Variants in NOMO2 observed in about 807,000 individuals in gnomAD.
The protein encoded by NOMO2 is BOS complex subunit NOMO2.
In NOMO2, 14 loss-of-function variants were observed where a neutral mutation model predicts 67.1. The observed-to-expected ratio is 0.21, with a 90% CI of 0.14 to 0.33. The LOEUF (loss-of-function observed/expected upper bound fraction) is 0.33. NOMO2 is among the 10% of genes least tolerant of loss of function. NOMO2 has a pLI of 1.00. For synonymous variants in NOMO2, 80 were observed against 305.9 expected (o/e 0.26, Z 7.71); for missense variants, 178 against 761.0 (o/e 0.23, Z 9.01).
At chr16:18,560,616 C>A (rs1472781819) in intron 1 of NOMO2, among the ~76,000 whole-genome samples, 3 of 151,800 alleles carry the variant, frequency 2.0e-5, no homozygotes, top group African/African-American at 7.3e-5. Context: ...ACCTCTTCAG[C>A]CTGAAAAAGC....
rs891648040 is a variant in NOMO2 at position 18,560,667 on chromosome 16, G to A, written c.165+1209C>T. Among the ~76,000 whole-genome samples, 79 of 151,776 alleles carry A rather than the reference G, an allele frequency of 5.2e-4. 2 individuals carry two copies. The highest frequency in any genetic ancestry group is 1.0e-3 in the Non-Finnish European group (70 of 67,986). ...CTTGAAGAAGATCACGGATCCGCTT[G>A]TTAAAGAAATGTATCTGCTGGGTTC... On this transcript the variant is annotated intron_variant, in intron 1 of 30. Transcript: ENST00000622306.
At chr16:18,560,504 G>C (rs1408399657) in intron 1 of NOMO2, among the ~76,000 whole-genome samples, 1 of 151,592 alleles carries the variant, frequency 6.6e-6, no homozygotes, top group South Asian at 2.1e-4. Context: ...CCTGTCCCCA[G>C]TGCAGACCTA....
intron 9 of NOMO2, among the ~76,000 whole-genome samples, chr16:18,539,523 G>A (rs1462711409): frequency 3.3e-5 from 5 of 151,928 alleles, no homozygotes; most frequent in South Asian, 2.1e-4. Context: ...TTGGGAGGCC[G>A]AGGCAGGCAG....
intron 15 of NOMO2, among the ~76,000 whole-genome samples, chr16:18,528,714 C>A (rs1273341971): frequency 4.0e-5 from 6 of 151,246 alleles, no homozygotes; most frequent in South Asian, 2.1e-4. Flanking sequence ...TAGCACTCTG[C>A]GAGGCCAACA....
chr16:18,526,304 G>A (rs1901145621), intron 16 of NOMO2, among the ~76,000 whole-genome samples: 3 of 152,076 alleles, frequency 2.0e-5, no homozygotes, highest in African/African-American at 4.8e-5. Context: ...CGGAACCCTC[G>A]TGCATTGCTG....
intron 1 of NOMO2, among the ~76,000 whole-genome samples, chr16:18,561,353 G>C (rs1354954872): frequency 1.3e-5 from 2 of 151,318 alleles, no homozygotes; most frequent in African/African-American, 4.9e-5. Flanking sequence ...TGATCTACTA[G>C]GTCAGAATCT....
intron 4 of NOMO2, among the ~76,000 whole-genome samples, chr16:18,551,127 T>C (rs954025913): frequency 5.3e-5 from 8 of 151,570 alleles, no homozygotes; most frequent in South Asian, 2.1e-4. Context: ...TGAGTCAAGA[T>C]TGCACCACTG....
chr16:18,531,577 C>T lies in NOMO2; in HGVS notation c.1426G>A (p.Gly476Arg), dbSNP rs1166541783. The change falls in exon 13 of 31, where the codon GGG (glycine) becomes AGG (arginine). Residue 476 changes from glycine (G) to arginine (R), a missense_variant. Coordinates refer to ENST00000622306, the MANE Select transcript of NOMO2 (RefSeq NM_173614.4). ...VMVPEAETRA[G>R]LTLKPQTFPL... ...AATGTCTGGGGTTTCAACGTCAGCC[C>T]TGCTCTGGTTTCTGCCTCAGGAACC... 1 of 1,612,132 alleles carries T rather than the reference C, an allele frequency of 6.2e-7. No homozygotes were observed. Among genetic ancestry groups the T allele is most frequent in the South Asian group, 1.1e-5 (1 of 90,902 alleles).
intron 1 of NOMO2, chr16:18,558,830 C>G (rs1222636117): frequency 2.2e-6 from 1 of 455,586 alleles, no homozygotes; most frequent in South Asian, 1.5e-5. Flanking sequence ...TGTACAGATT[C>G]ACATCAATGC....
Position 18,543,666 on chromosome 16 carries a change from G to C in NOMO2, c.686C>G (p.Pro229Arg), listed in dbSNP as rs372303859. 1.4e-5 allele frequency: 22 copies of C among 1,611,576 alleles called. No individual in the cohort carries two copies. The African/African-American group carries it at 2.7e-4, about 20-fold the overall frequency. Reference protein sequence around the residue: ...VSGSVRSDGEPMKGVKFLLFS... With the variant: ...VSGSVRSDGERMKGVKFLLFS... ...GAGAAGAAACTTCACCCCTTTCATGGGCTCCCCATCACTTCGGACAGAGCC... is the reference window on the plus strand; with the variant it reads ...GAGAAGAAACTTCACCCCTTTCATGCGCTCCCCATCACTTCGGACAGAGCC... The change falls in exon 7 of 31, where the codon CCC becomes CGC. Residue 229 changes from proline to arginine, a missense_variant. Coordinates refer to ENST00000622306, the MANE Select transcript of NOMO2 (RefSeq NM_173614.4).
At position 18,561,184 on chromosome 16, in the gene NOMO2, A is replaced by AC. The variant is rs1332653043; in HGVS notation, c.165+691_165+692insG. 1.3e-3 allele frequency among the ~76,000 whole-genome samples: 171 copies of AC among 130,572 alleles called. 8 individuals carry two copies. The highest frequency in any genetic ancestry group is 8.8e-3 in the South Asian group (34 of 3,850). 85.7% of individuals were successfully genotyped at this position (130,572 alleles called of 152,430 possible). ...CTTTACAACTTAATTAAAAAAAAAA[A>AC]AAAAAAAAAAAAAAAAAAAAAAACC... is the stretch of plus-strand genomic sequence containing the variant. On this transcript the variant is annotated intron_variant, in intron 1 of 30. Transcript: ENST00000622306.
At chr16:18,549,141 T>C (rs1266860085) in intron 5 of NOMO2, among the ~76,000 whole-genome samples, 1 of 151,002 alleles carries the variant, frequency 6.6e-6, no homozygotes. Flanking sequence ...CCCGTGGGAC[T>C]CTACTTGATA....
intron 14 of NOMO2, among the ~76,000 whole-genome samples, chr16:18,529,993 G>A (rs1051722715): frequency 1.5e-5 from 2 of 133,534 alleles, no homozygotes; most frequent in Non-Finnish European, 3.3e-5. Context: ...GTGCATGCCT[G>A]TAATCCCAGC....
At chr16:18,525,917 AC>A (rs1160322034) in intron 16 of NOMO2, among the ~76,000 whole-genome samples, 5 of 150,984 alleles carry the variant, frequency 3.3e-5, no homozygotes, top group African/African-American at 1.2e-4. Flanking sequence ...CAAAGACACC[AC>A]CCCTAACATC....
chr16:18,529,026 T>C (rs1304052325), intron 15 of NOMO2, among the ~76,000 whole-genome samples: 5 of 36,584 alleles, frequency 1.4e-4, no homozygotes, highest in African/African-American at 4.0e-4. Flanking sequence ...TATATATATA[T>C]ATATATATAT....
At chr16:18,556,575 T>C (rs1193586651) in intron 2 of NOMO2, among the ~76,000 whole-genome samples, 2 of 151,838 alleles carry the variant, frequency 1.3e-5, no homozygotes, top group African/African-American at 4.8e-5. Context: ...ATAAATCCTA[T>C]TGTTTGATTT....
chr16:18,554,092 T>G (rs1901851617), intron 3 of NOMO2, among the ~76,000 whole-genome samples: 1 of 151,752 alleles, frequency 6.6e-6, no homozygotes, highest in Non-Finnish European at 1.5e-5. Context: ...CTCAACCCCA[T>G]CCCCAACTCC....
At chr16:18,561,115 T>A (rs1875911830) in intron 1 of NOMO2, among the ~76,000 whole-genome samples, 1 of 139,542 alleles carries the variant, frequency 7.2e-6, no homozygotes, top group African/African-American at 2.7e-5. Flanking sequence ...TACGGGAACC[T>A]TTCTGGGTCA....
intron 12 of NOMO2, among the ~76,000 whole-genome samples, chr16:18,531,876 C>T (rs563862964): frequency 1.3e-5 from 2 of 152,132 alleles, no homozygotes; most frequent in South Asian, 2.1e-4. Flanking sequence ...GCCCGCAACG[C>T]GGACACGCCT....
Sources: gnomAD v4.1 joint callset for allele counts (sites outside exome capture counted in the v4.1 genomes callset) on GRCh38, gnomAD v4.1.1 for gene constraint, MANE v1.5 for transcripts, NCBI Gene and HGNC (gene_info 2026-07-23, HGNC 2026-07-21) for gene names.